PTPRD: variants seen among roughly 807,000 people sequenced by gnomAD.
PTPRD encodes the protein protein tyrosine phosphatase receptor type D.
A neutral mutation model predicts 214.5 loss-of-function variants in PTPRD; 34 were observed. The observed-to-expected ratio is 0.16, with a 90% CI of 0.12 to 0.21. PTPRD has a LOEUF of 0.21. PTPRD is among the 10% of genes least tolerant of loss of function. The pLI is 1.00. For missense variants in PTPRD, 2,545 were observed against 2,398.7 expected, an observed-to-expected ratio of 1.06 and a Z score of -1.27; for synonymous variants, 1,128 against 845.7, an observed-to-expected ratio of 1.33 and a Z score of -5.79.
chr9:9,971,765 A>C (rs938620856), intron 4 of PTPRD, among the ~76,000 whole-genome samples: 2 of 152,178 alleles, frequency 1.3e-5, no homozygotes, highest in Non-Finnish European at 2.9e-5. Context: ...TAACAATATA[A>C]TAATTTCAAA....
intron 29 of PTPRD, among the ~76,000 whole-genome samples, 191 bp from the exon 30 acceptor site, chr9:8,484,569 G>C (rs543586857): frequency 7.9e-6 from 1 of 126,780 alleles, no homozygotes; most frequent in East Asian, 2.2e-4. Context: ...ACTGTGTAAT[G>C]ATAAAATGTT....
chr9:10,035,393 T>A (rs1280359202), intron 3 of PTPRD, among the ~76,000 whole-genome samples: 1 of 152,164 alleles, frequency 6.6e-6, no homozygotes, highest in African/African-American at 2.4e-5. Context: ...AAGTCGTCTA[T>A]CTGTTGATAA....
At chr9:10,453,961 G>T (rs1490242861) in intron 2 of PTPRD, among the ~76,000 whole-genome samples, 4 of 151,352 alleles carry the variant, frequency 2.6e-5, no homozygotes, top group African/African-American at 9.7e-5. Context: ...TCATGTTGAG[G>T]TTACCCCAAA....
intron 9 of PTPRD, among the ~76,000 whole-genome samples, chr9:9,386,562 C>A (rs2063937445): frequency 6.6e-6 from 1 of 152,010 alleles, no homozygotes; most frequent in South Asian, 2.1e-4. Context: ...CATTTTATAA[C>A]AATGGTTATT....
At chr9:8,538,949 T>C (rs1482103367) in intron 14 of PTPRD, among the ~76,000 whole-genome samples, 1 of 151,856 alleles carries the variant, frequency 6.6e-6, no homozygotes, top group Non-Finnish European at 1.5e-5. Context: ...AGAATGAGAC[T>C]GGAACAAGCA....
rs375789438 is a variant in PTPRD, at chr9:8,376,102, G to A, written c.4507-12C>T. On this transcript the variant is annotated splice_polypyrimidine_tract_variant and intron_variant, in intron 38 of 45. Coordinates refer to ENST00000381196, the MANE Select transcript of PTPRD (RefSeq NM_002839.4). ...TCACTTGAACCATTCTGTGAAATAG[G>A]AATATCAGCTGAAATTCTGTTTTCC... 10 of 1,611,182 alleles carry A rather than the reference G, an allele frequency of 6.2e-6. No homozygotes were observed. In the African/African-American group the frequency reaches 1.2e-4, roughly 19 times the overall value.
chr9:9,183,248 T>C (rs1312482569), intron 10 of PTPRD, 56 bp downstream of exon 10: 1 of 151,980 alleles, frequency 6.6e-6, no homozygotes, highest in Non-Finnish European at 1.5e-5. Flanking sequence ...TCAGTTACTG[T>C]ATTAAGTATT....
chr9:9,958,929 A>G (rs1269219840), intron 4 of PTPRD, among the ~76,000 whole-genome samples: 4 of 152,210 alleles, frequency 2.6e-5, no homozygotes, highest in Admixed American at 2.0e-4. Context: ...CAGCCATTTT[A>G]GAAAAAGGTT....
At chr9:8,704,992 A>G (rs1210581965) in intron 12 of PTPRD, among the ~76,000 whole-genome samples, 1 of 152,010 alleles carries the variant, frequency 6.6e-6, no homozygotes, top group Admixed American at 6.6e-5. Flanking sequence ...TTCTCCCTCT[A>G]TTGTCCACAA....
At chr9:10,507,092 A>T (rs1209532922) in intron 2 of PTPRD, among the ~76,000 whole-genome samples, 1 of 152,138 alleles carries the variant, frequency 6.6e-6, no homozygotes, top group Non-Finnish European at 1.5e-5. Context: ...AAGCAACTTC[A>T]GCAAAGTCTC....
chr9:10,528,914 T>A (rs1170756990), intron 2 of PTPRD, among the ~76,000 whole-genome samples: 6 of 152,166 alleles, frequency 3.9e-5, no homozygotes, highest in Admixed American at 3.3e-4. Flanking sequence ...TATATGTTTG[T>A]GTGGATAGGG....
At chr9:8,377,301 T>C (rs2083541414) in intron 37 of PTPRD, among the ~76,000 whole-genome samples, 1 of 151,858 alleles carries the variant, frequency 6.6e-6, no homozygotes, top group Admixed American at 6.6e-5. Context: ...GGAAAAAGAG[T>C]TGTCTGTTCC....
At chr9:10,382,969 A>T (rs972734527) in intron 2 of PTPRD, among the ~76,000 whole-genome samples, 4 of 151,818 alleles carry the variant, frequency 2.6e-5, no homozygotes, top group Non-Finnish European at 5.9e-5. Context: ...CTTCTGAATG[A>T]GTTGGAAAGT....
At chr9:9,405,327 G>T (rs1449791229) in intron 8 of PTPRD, among the ~76,000 whole-genome samples, 1 of 151,992 alleles carries the variant, frequency 6.6e-6, no homozygotes, top group Non-Finnish European at 1.5e-5. Flanking sequence ...CTTGATTAAG[G>T]TGATGGATTC....
intron 3 of PTPRD, among the ~76,000 whole-genome samples, chr9:10,102,957 C>T (rs1291024230): frequency 6.6e-6 from 1 of 151,626 alleles, no homozygotes; most frequent in African/African-American, 2.4e-5. Context: ...TTCATTCCTT[C>T]AATATCTCTT....
At chr9:9,845,765 A>G (rs1276059243) in intron 5 of PTPRD, among the ~76,000 whole-genome samples, 8 of 152,078 alleles carry the variant, frequency 5.3e-5, no homozygotes, top group Admixed American at 1.3e-4. Context: ...AGCACAGACA[A>G]GACAAAGTAA....
intron 4 of PTPRD, among the ~76,000 whole-genome samples, chr9:9,967,687 C>T (rs2094802840): frequency 6.6e-6 from 1 of 152,114 alleles, no homozygotes. Flanking sequence ...GAAGTTTAAG[C>T]ATCCCATGGG....
At chr9:9,011,980 T>C (rs2099513666) in intron 11 of PTPRD, among the ~76,000 whole-genome samples, 1 of 152,198 alleles carries the variant, frequency 6.6e-6, no homozygotes, top group Non-Finnish European at 1.5e-5. Flanking sequence ...CTCTTGATTA[T>C]GAATCATTAT....
intron 35 of PTPRD, among the ~76,000 whole-genome samples, chr9:8,419,623 T>C (rs1440528469): frequency 6.6e-6 from 1 of 151,956 alleles, no homozygotes; most frequent in Non-Finnish European, 1.5e-5. Flanking sequence ...GAAAAATATC[T>C]ATATGATTCT....
Sources: gnomAD v4.1 joint callset for allele counts (sites outside exome capture counted in the v4.1 genomes callset) on GRCh38, gnomAD v4.1.1 for gene constraint, MANE v1.5 for transcripts, NCBI Gene and HGNC (gene_info 2026-07-23, HGNC 2026-07-21) for gene names.